Variants in PARPBP observed in about 807,000 individuals in gnomAD.
PARPBP encodes the protein PARP1 binding protein.
In PARPBP, 52 loss-of-function variants were observed where a neutral mutation model predicts 50.0. The observed-to-expected ratio is 1.04, with a 90% CI of 0.83 to 1.31. The LOEUF is 1.31. PARPBP is among the 50% of genes most tolerant of loss of function. The pLI, the probability that PARPBP is intolerant of heterozygous loss-of-function variation, is 0.00. For missense variants in PARPBP, 697 were observed against 672.0 expected, an observed-to-expected ratio of 1.04 and a Z score of -0.41; for synonymous variants, 244 against 232.1, an observed-to-expected ratio of 1.05 and a Z score of -0.47.
intron 4 of PARPBP, among the ~76,000 whole-genome samples, chr12:102,156,614 A>G (rs1378687592): frequency 2.0e-5 from 3 of 152,094 alleles, no homozygotes; most frequent in African/African-American, 7.2e-5. Flanking sequence ...TATTCAACAT[A>G]TTTTAATTAT....
At chr12:102,130,369 A>G (rs1882659819) in intron 2 of PARPBP, among the ~76,000 whole-genome samples, 5 of 152,264 alleles carry the variant, frequency 3.3e-5, no homozygotes, top group Admixed American at 3.3e-4. Flanking sequence ...CAATTGCAAC[A>G]AAAGCAAAAA....
Position 102,162,439 on chromosome 12 carries a change from CAA to C in PARPBP, c.496-1998_496-1997del, listed in dbSNP as rs549986380. ...TGATTTCAAGTGGACAGTTTGGGAA[CAA>C]TAAGAATTAGAAACAGGATTCTAGA... On this transcript the variant is annotated intron_variant, in intron 4 of 10. Coordinates refer to ENST00000327680, the MANE Select transcript of PARPBP (RefSeq NM_017915.5). 9.3e-4 allele frequency among the ~76,000 whole-genome samples: 141 copies of C among 152,130 alleles called. 1 individual carries two copies. The highest frequency in any genetic ancestry group is 4.0e-3 in the South Asian group (19 of 4,810).
intron 9 of PARPBP, among the ~76,000 whole-genome samples, chr12:102,186,994 A>G (rs1285170771): frequency 2.0e-5 from 3 of 151,770 alleles, no homozygotes; most frequent in Non-Finnish European, 4.4e-5. Context: ...GGTATTAGAA[A>G]CTTCAAATTT....
rs1336008994 is a variant in PARPBP, at chr12:102,164,600, A to G, written c.658A>G (p.Ile220Val). ...TGCTGCTCGAGAGAAACAAATGTCTATCTTTTTGGTATGGTTGTGTGACAT... is the reference window on the plus strand; with the variant it reads ...TGCTGCTCGAGAGAAACAAATGTCTGTCTTTTTGGTATGGTTGTGTGACAT... ...KHAAREKQMS[I>V]FLVATSFIRT... The change falls in exon 5 of 11, where the codon ATC becomes GTC. Residue 220 changes from isoleucine to valine, a missense_variant. Coordinates refer to ENST00000327680, the MANE Select transcript of PARPBP (RefSeq NM_017915.5). 3 of 1,613,224 alleles carry G rather than the reference A, an allele frequency of 1.9e-6. No individual in the cohort carries two copies. Among genetic ancestry groups the G allele is most frequent in the East Asian group, 2.2e-5 (1 of 44,824 alleles).
intron 9 of PARPBP, among the ~76,000 whole-genome samples, chr12:102,188,618 C>G (rs1890525190): frequency 6.6e-6 from 1 of 151,960 alleles, no homozygotes; most frequent in Non-Finnish European, 1.5e-5. Context: ...TGTGCAATAT[C>G]CAGCATGAAA....
chr12:102,171,438 G>T (rs1425438869), intron 6 of PARPBP, among the ~76,000 whole-genome samples: 1 of 152,052 alleles, frequency 6.6e-6, no homozygotes, highest in East Asian at 1.9e-4. Flanking sequence ...CATCATATAT[G>T]TGGTCTGTTG....
intron 2 of PARPBP, among the ~76,000 whole-genome samples, chr12:102,124,611 A>T (rs1379007622): frequency 1.3e-5 from 2 of 152,192 alleles, no homozygotes; most frequent in African/African-American, 2.4e-5. Context: ...TTTTAGATAA[A>T]GGAAGAGAAG....
intron 2 of PARPBP, among the ~76,000 whole-genome samples, chr12:102,129,502 G>C (rs2137302629): frequency 6.6e-6 from 1 of 152,098 alleles, no homozygotes; most frequent in Non-Finnish European, 1.5e-5. Flanking sequence ...CTGTGCTTCT[G>C]GGTTTATGTC....
intron 2 of PARPBP, among the ~76,000 whole-genome samples, chr12:102,145,888 A>G (rs1885275702): frequency 6.6e-6 from 1 of 152,210 alleles, no homozygotes; most frequent in South Asian, 2.1e-4. Context: ...ATCTTAGCCA[A>G]AAGGCCGAGA....
At chr12:102,193,373 G>T (rs1224957172) in intron 9 of PARPBP, among the ~76,000 whole-genome samples, 2 of 151,356 alleles carry the variant, frequency 1.3e-5, no homozygotes, top group Non-Finnish European at 2.9e-5. Context: ...ATATTTTATG[G>T]GTGGTGCTCA....
At position 102,148,262 on chromosome 12, in the gene PARPBP, T is replaced by A; in HGVS notation, c.186T>A (p.Asp62Glu). 6.3e-7 allele frequency: 1 copy of A among 1,595,930 alleles called. No individual in the cohort carries two copies. The highest frequency in any genetic ancestry group is 8.6e-7 in the Non-Finnish European group (1 of 1,167,400). Residue 62 changes from aspartate (D) to glutamate (E), a missense_variant, in exon 3 of 11, where the codon GAT (aspartate) becomes GAA (glutamate). Coordinates refer to ENST00000327680, the MANE Select transcript of PARPBP (RefSeq NM_017915.5). ...HSGEFTVSLSDVLLTWKYLLH... is the reference protein window; with the variant it reads ...HSGEFTVSLSEVLLTWKYLLH... The stretch of plus-strand genomic sequence containing the variant: ...GAGAATTTACAGTCTCTCTCAGTGA[T>A]GTTTTATTGACATGGAAATACTTGC...
chr12:102,154,132 G>C (rs1204070929), intron 4 of PARPBP, 156 bp downstream of exon 4: 3 of 507,902 alleles, frequency 5.9e-6, no homozygotes, highest in African/African-American at 1.9e-5. Flanking sequence ...TACATTGGAG[G>C]CTGGTGAGAA....
intron 1 of PARPBP, 87 bp downstream of exon 1, chr12:102,120,373 T>TA (rs1880801976): frequency 6.7e-6 from 3 of 445,598 alleles, no homozygotes; most frequent in African/African-American, 6.0e-5. Context: ...TGCACTGTAA[T>TA]ACCTCGGTCG....
At chr12:102,153,450 C>T (rs544353582) in intron 3 of PARPBP, among the ~76,000 whole-genome samples, 1 of 152,286 alleles carries the variant, frequency 6.6e-6, no homozygotes, top group East Asian at 1.9e-4. Context: ...AAGTGATCAT[C>T]CCACCTGAGC....
At chr12:102,164,792 T>G (rs1187183021) in intron 5 of PARPBP, 184 bp downstream of exon 5, 1 of 612,026 alleles carries the variant, frequency 1.6e-6, no homozygotes, top group East Asian at 2.8e-5. Flanking sequence ...GGAGAATTTC[T>G]CTAAAGCAGT....
rs983687362 is a variant in PARPBP, at chr12:102,146,516, G to A, written c.154-1714G>A. The stretch of plus-strand genomic sequence containing the variant: ...TGCTGGGAAAACTGGCTAGCCATAT[G>A]TAGAAAGCTGAAACTGGATCCCTTC... On this transcript the variant is annotated intron_variant, in intron 2 of 10. Transcript: ENST00000327680. Among the ~76,000 whole-genome samples the A allele has an allele frequency of 4.7e-4, 71 of 152,300 alleles. No individual in the cohort carries two copies. In the Middle Eastern group the frequency reaches 0.01, roughly 22 times the overall value.
rs191132328 is a variant in PARPBP, at chr12:102,195,116, A to G, written c.1264-196A>G. Among the ~76,000 whole-genome samples the G allele has an allele frequency of 3.0e-3, 453 of 151,852 alleles. 3 individuals carry two copies. The highest frequency in any genetic ancestry group is 6.8e-3 in the Middle Eastern group (2 of 294). On this transcript the variant is annotated intron_variant, in intron 9 of 10. Coordinates refer to ENST00000327680, the MANE Select transcript of PARPBP (RefSeq NM_017915.5). ...CATAAAGCTATTATTTTGGAAAAGAACAAAAATGCTAGCCATAACAATGAA... is the reference window on the plus strand; with the variant it reads ...CATAAAGCTATTATTTTGGAAAAGAGCAAAAATGCTAGCCATAACAATGAA...
At chr12:102,121,744 A>G (rs898042360) in intron 1 of PARPBP, among the ~76,000 whole-genome samples, 5 of 151,870 alleles carry the variant, frequency 3.3e-5, no homozygotes, top group Non-Finnish European at 5.9e-5. Context: ...GGGTTTCACC[A>G]TGTTGGCCAG....
chr12:102,152,603 A>G (rs1351200834), intron 3 of PARPBP, among the ~76,000 whole-genome samples: 2 of 152,226 alleles, frequency 1.3e-5, no homozygotes, highest in African/African-American at 4.8e-5. Flanking sequence ...TTCCTGTGAC[A>G]GTTATTATCT....
Sources: allele counts gnomAD v4.1 joint callset (sites outside exome capture counted in the v4.1 genomes callset), GRCh38; gene constraint gnomAD v4.1.1; transcripts MANE v1.5; gene names NCBI Gene and HGNC (gene_info 2026-07-23, HGNC 2026-07-21).